Variants in LAMA1 observed in about 807,000 individuals in gnomAD.
LAMA1 encodes laminin subunit alpha-1.
Under a neutral mutation model 348.7 loss-of-function variants are expected in LAMA1, and 219 were observed. The ratio of observed to expected loss-of-function variants is 0.63; its 90% confidence interval spans 0.56 to 0.70. The LOEUF (loss-of-function observed/expected upper bound fraction) is 0.70, where lower values mean the gene tolerates loss of function less well. Among genes scored for constraint, LAMA1 ranks in the 30% least tolerant of loss-of-function variants. The probability of loss-of-function intolerance (pLI) is 0.00; values close to 1 mark genes in which losing one functional copy is unlikely to be tolerated. For synonymous variants in LAMA1, 1,487 were observed against 1,491.0 expected, an observed-to-expected ratio of 1.00 and a Z score of 0.06; for missense variants, 3,744 against 3,888.0, an observed-to-expected ratio of 0.96 and a Z score of 0.99.
rs548903685 is a variant in LAMA1, at chr18:6,950,864, C to A, written c.8315G>T (p.Arg2772Leu). The A allele has an allele frequency of 6.2e-7, 1 of 1,614,118 alleles. No homozygotes were observed. Among genetic ancestry groups the A allele is most frequent in the Non-Finnish European group, 8.5e-7 (1 of 1,180,006 alleles). The change falls in exon 58 of 63, where the codon CGC becomes CTC. Residue 2772 changes from arginine to leucine, a missense_variant. Physicochemically the swap from Arg to Leu is moderately radical, Grantham distance 102. Coordinates refer to ENST00000389658, the MANE Select transcript of LAMA1 (RefSeq NM_005559.4). ...DYAVLQLHGG[R>L]LHFMFDLGKG... ...GCCAAGGTCAAACATGAAGTGGAGG[C>A]GGCCCCCGTGCAGCTGGAGCACAGC...
intron 36 of LAMA1, among the ~76,000 whole-genome samples, chr18:6,991,467 T>C (rs1223140759): frequency 6.7e-6 from 1 of 150,354 alleles, no homozygotes; most frequent in Non-Finnish European, 1.5e-5. Flanking sequence ...CTCAGTTCAC[T>C]GCAACCTCCG....
At position 7,024,493 on chromosome 18, in the gene LAMA1, A is replaced by G. The variant is rs186783242; in HGVS notation, c.2403-27T>C. On this transcript the variant is annotated intron_variant, in intron 17 of 62. Transcript: ENST00000389658. ...TGTCAAAACATTAGAAATGAACAAAATTTTCCAATGGATGAAGCCGAATTT... is the reference window on the plus strand; with the variant it reads ...TGTCAAAACATTAGAAATGAACAAAGTTTTCCAATGGATGAAGCCGAATTT... The G allele has an allele frequency of 6.7e-5, 105 of 1,578,508 alleles. No individual in the cohort carries two copies. The African/African-American group carries it at 1.2e-3, about 18-fold the overall frequency.
intron 9 of LAMA1, 81 bp from the exon 10 acceptor site, chr18:7,040,317 G>A (rs2058015120): frequency 2.1e-6 from 3 of 1,406,452 alleles, no homozygotes; most frequent in East Asian, 4.6e-5. Flanking sequence ...TTTCTGTAAA[G>A]GGTCAGAGGG....
chr18:7,078,409 A>G lies in LAMA1; in HGVS notation c.345+1566T>C, dbSNP rs1038512783. 8.6e-5 allele frequency among the ~76,000 whole-genome samples: 13 copies of G among 151,296 alleles called. No homozygotes were observed. The South Asian group carries it at 1.0e-3, about 12-fold the overall frequency. On this transcript the variant is annotated intron_variant, in intron 3 of 62. Coordinates refer to ENST00000389658, the MANE Select transcript of LAMA1 (RefSeq NM_005559.4). ...TCTCGATCTCCTGACCTCGTGATCC[A>G]CCCGCCTTGGCCTCCCAAAGTGCCG...
chr18:7,015,626 A>G, intron 22 of LAMA1, 96 bp downstream of exon 22: 1 of 1,435,374 alleles, frequency 7.0e-7, no homozygotes, highest in Middle Eastern at 2.4e-4. Context: ...GCTATTCAAC[A>G]GATTAAAGTC....
At chr18:6,972,584 T>C (rs2057663096) in intron 47 of LAMA1, among the ~76,000 whole-genome samples, 1 of 152,228 alleles carries the variant, frequency 6.6e-6, no homozygotes, top group Admixed American at 6.5e-5. Context: ...CACCCTTTAC[T>C]GTACAAAACC....
intron 58 of LAMA1, among the ~76,000 whole-genome samples, chr18:6,950,185 A>C (rs1282530225): frequency 6.6e-6 from 1 of 152,092 alleles, no homozygotes; most frequent in Non-Finnish European, 1.5e-5. Flanking sequence ...TCCCCAATCC[A>C]ATCAATCAGC....
intron 1 of LAMA1, among the ~76,000 whole-genome samples, chr18:7,095,254 C>T (rs1159927162): frequency 6.6e-6 from 1 of 152,000 alleles, no homozygotes; most frequent in Non-Finnish European, 1.5e-5. Flanking sequence ...GGAAAATTTA[C>T]TTTATGTCCA....
At chr18:7,028,033 G>A (rs998603203) in intron 16 of LAMA1, among the ~76,000 whole-genome samples, 2 of 152,146 alleles carry the variant, frequency 1.3e-5, no homozygotes, top group African/African-American at 4.8e-5. Context: ...ATATAAAGTA[G>A]GACCAAGTAG....
Position 6,948,387 on chromosome 18 carries a change from T to A in LAMA1, c.8710+16A>T. ...CTCATTCGGGGACTGCCTTCGAGAG[T>A]GTTGCTAACACATACCAAGAGCTGC... On this transcript the variant is annotated intron_variant, in intron 60 of 62. Transcript: ENST00000389658. 1 of 1,614,040 alleles carries A rather than the reference T, an allele frequency of 6.2e-7. No homozygotes were observed.
chr18:6,957,165 C>T, intron 55 of LAMA1: 1 of 311,096 alleles, frequency 3.2e-6, no homozygotes, highest in Non-Finnish European at 6.3e-6. Flanking sequence ...CTTCCCCTTG[C>T]CAGGAGGTTG....
Position 7,032,082 on chromosome 18 carries a change from A to G in LAMA1, c.2258T>C (p.Val753Ala). The G allele has an allele frequency of 1.2e-6, 2 of 1,614,100 alleles. No individual in the cohort carries two copies. The highest frequency in any genetic ancestry group is 1.7e-6 in the Non-Finnish European group (2 of 1,179,968). Reference sequence around the variant, plus strand: ...GAGACTCACAATGCAAACGCCGTGAACATTACACTCAGCTGCATGGCCGTG... The same window carrying G: ...GAGACTCACAATGCAAACGCCGTGAGCATTACACTCAGCTGCATGGCCGTG... ...ECHGHAAECN[V>A]HGVCIACAHN... Residue 753 changes from valine (V) to alanine (A), a missense_variant, in exon 16 of 63, where the codon GTT (valine) becomes GCT (alanine). Physicochemically the swap from Val to Ala is moderately conservative, Grantham distance 64. Coordinates refer to ENST00000389658, the MANE Select transcript of LAMA1 (RefSeq NM_005559.4).
intron 33 of LAMA1, among the ~76,000 whole-genome samples, chr18:6,997,352 G>A (rs1055051473): frequency 7.3e-4 from 111 of 152,226 alleles, no homozygotes; most frequent in African/African-American, 2.5e-3. Context: ...TTACAGGTGT[G>A]AGCCACCGTG....
At chr18:7,020,438 C>CTATA (rs1189197497) in intron 19 of LAMA1, among the ~76,000 whole-genome samples, 7 of 152,142 alleles carry the variant, frequency 4.6e-5, no homozygotes, top group African/African-American at 1.7e-4. Flanking sequence ...ACCTAACAGA[C>CTATA]TATAGTATTA....
At position 7,012,023 on chromosome 18, in the gene LAMA1, G is replaced by C. The variant is rs748137370; in HGVS notation, c.3479C>G (p.Ser1160Ter). ...GGTCCTCACGTAGTCCTCCAGCTCT[G>C]AGCAGAGGTGGGACAGCCCGGAGCA... ...CFCSGLSHLC[S>*]ELEDYVRTPV... The change falls in exon 24 of 63, where the codon TCA becomes TGA. Residue 1160 changes from serine to a stop codon, truncating the protein, a stop_gained. Transcript: ENST00000389658. LOFTEE classifies it high-confidence loss of function. 1.9e-6 allele frequency: 3 copies of C among 1,609,720 alleles called. No homozygotes were observed. Among genetic ancestry groups the C allele is most frequent in the African/African-American group, 2.7e-5 (2 of 74,850 alleles).
At chr18:7,083,370 G>C (rs561362760) in intron 1 of LAMA1, among the ~76,000 whole-genome samples, 21 of 151,834 alleles carry the variant, frequency 1.4e-4, no homozygotes, top group African/African-American at 5.1e-4. Context: ...ATTTTTAATA[G>C]AGACGGAGTT....
intron 46 of LAMA1, among the ~76,000 whole-genome samples, chr18:6,974,000 C>A (rs2057670122): frequency 6.6e-6 from 1 of 152,066 alleles, no homozygotes; most frequent in South Asian, 2.1e-4. Context: ...AGGCTAACCT[C>A]AAACTCCTTC....
intron 58 of LAMA1, 102 bp downstream of exon 58, chr18:6,950,680 A>C: frequency 7.2e-4 from 922 of 1,277,384 alleles, no homozygotes; most frequent in Non-Finnish European, 9.4e-4. Context: ...ACGGCGAGAT[A>C]GAGATTAATG....
intron 3 of LAMA1, among the ~76,000 whole-genome samples, chr18:7,071,545 G>GA (rs2058145975): frequency 1.3e-5 from 2 of 152,178 alleles, no homozygotes; most frequent in Non-Finnish European, 2.9e-5. Flanking sequence ...ACCCATAACA[G>GA]AAAAAGCACC....
Sources: allele counts gnomAD v4.1 joint callset (sites outside exome capture counted in the v4.1 genomes callset), GRCh38; gene constraint gnomAD v4.1.1; transcripts MANE v1.5; gene names NCBI Gene and HGNC (gene_info 2026-07-23, HGNC 2026-07-21).